The following CTNNA3 variants were observed in gnomAD, a reference collection of about 807,000 sequenced individuals.
CTNNA3 encodes the protein catenin alpha-3.
Under a neutral mutation model 95.7 loss-of-function variants are expected in CTNNA3, and 76 were observed. That is an observed-to-expected ratio of 0.79 (90% confidence interval 0.66 to 0.96). The LOEUF (loss-of-function observed/expected upper bound fraction) is 0.96. CTNNA3 is among the 40% of genes least tolerant of loss of function. The pLI, the probability that CTNNA3 is intolerant of heterozygous loss-of-function variation, is 0.00. For missense variants in CTNNA3, 1,191 were observed against 1,089.8 expected (o/e 1.09, Z -1.31); for synonymous variants, 431 against 374.4 (o/e 1.15, Z -1.74).
At chr10:66,054,903 G>A (rs2080045271) in intron 15 of CTNNA3, among the ~76,000 whole-genome samples, 1 of 152,146 alleles carries the variant, frequency 6.6e-6, no homozygotes, top group Non-Finnish European at 1.5e-5. Context: ...TTTGTATATA[G>A]TGAGAGATAG....
chr10:66,967,199 G>T (rs1481975013), intron 7 of CTNNA3, among the ~76,000 whole-genome samples: 1 of 151,802 alleles, frequency 6.6e-6, no homozygotes, highest in Non-Finnish European at 1.5e-5. Context: ...GCACATACAC[G>T]CATACATTAG....
chr10:66,492,490 G>T (rs529315290), intron 11 of CTNNA3, among the ~76,000 whole-genome samples: 1 of 147,786 alleles, frequency 6.8e-6, no homozygotes, highest in South Asian at 2.1e-4. Flanking sequence ...GTCTTGCTAT[G>T]TTGCCCAGGT....
intron 7 of CTNNA3, among the ~76,000 whole-genome samples, chr10:66,983,262 A>C (rs1028517226): frequency 6.6e-6 from 1 of 152,150 alleles, no homozygotes; most frequent in Non-Finnish European, 1.5e-5. Flanking sequence ...GCCCCCTCCC[A>C]GCCATGTTCC....
chr10:67,446,360 G>C (rs1377437559), intron 5 of CTNNA3, among the ~76,000 whole-genome samples: 1 of 152,088 alleles, frequency 6.6e-6, no homozygotes, highest in Non-Finnish European at 1.5e-5. Flanking sequence ...CAATGCAGCA[G>C]ATAGGGTTTC....
Position 66,749,202 on chromosome 10 carries a change from C to CAAAA in CTNNA3, c.1281+17058_1281+17061dup, listed in dbSNP as rs35568730. ...TGGGCAACACAGGGAAACTCCAACT[C>CAAAA]AAAAAAAAAAAAAAAAAAAAAAAAA... On this transcript the variant is annotated intron_variant, in intron 9 of 17. Transcript: ENST00000433211. Among the ~76,000 whole-genome samples, 215 of 50,854 alleles carry CAAAA rather than the reference C, an allele frequency of 4.2e-3. 4 individuals are homozygous for CAAAA. The highest frequency in any genetic ancestry group is 9.7e-3 in the African/African-American group (119 of 12,258). 33.4% of individuals were successfully genotyped at this position (50,854 alleles called of 152,430 possible).
chr10:66,360,263 C>T (rs995510061), intron 12 of CTNNA3, among the ~76,000 whole-genome samples: 2 of 151,408 alleles, frequency 1.3e-5, no homozygotes, highest in Non-Finnish European at 2.9e-5. Context: ...TATTCAATAT[C>T]TGTACATTGA....
intron 13 of CTNNA3, among the ~76,000 whole-genome samples, chr10:66,171,173 A>C (rs2085407871): frequency 6.6e-6 from 1 of 151,994 alleles, no homozygotes; most frequent in African/African-American, 2.4e-5. Context: ...AAAGAAAATA[A>C]GGAACCATAA....
chr10:67,726,426 T>TTA (rs1285650369), intron 1 of CTNNA3, among the ~76,000 whole-genome samples: 6 of 29,512 alleles, frequency 2.0e-4, no homozygotes, highest in South Asian at 1.8e-3. Flanking sequence ...ATATTATATA[T>TTA]TATATCATAT....
chr10:67,115,379 C>G (rs1859125723), intron 7 of CTNNA3, among the ~76,000 whole-genome samples: 3 of 151,728 alleles, frequency 2.0e-5, no homozygotes, highest in South Asian at 4.2e-4. Context: ...AGGAGATATA[C>G]CTAATGCTAA....
intron 17 of CTNNA3, among the ~76,000 whole-genome samples, chr10:65,923,251 G>T (rs2077117372): frequency 6.6e-6 from 1 of 152,204 alleles, no homozygotes; most frequent in African/African-American, 2.4e-5. Flanking sequence ...TTTCTAAAAA[G>T]ACTTAAGGAT....
At chr10:67,102,204 C>T (rs1365560384) in intron 7 of CTNNA3, among the ~76,000 whole-genome samples, 1 of 151,664 alleles carries the variant, frequency 6.6e-6, no homozygotes, top group South Asian at 2.1e-4. Context: ...AATAGGGAGG[C>T]GCCAAGTACA....
At chr10:67,742,591 G>A (rs61869475) in intron 1 of CTNNA3, among the ~76,000 whole-genome samples, 10 of 150,842 alleles carry the variant, frequency 6.6e-5, no homozygotes, top group African/African-American at 2.2e-4. Context: ...AATTAAAAGA[G>A]CTAGAAAAGC....
At chr10:66,188,369 T>G (rs1219609220) in intron 13 of CTNNA3, among the ~76,000 whole-genome samples, 1 of 152,206 alleles carries the variant, frequency 6.6e-6, no homozygotes, top group Non-Finnish European at 1.5e-5. Context: ...ACCTGCATCT[T>G]CCCATTTCCC....
chr10:67,315,542 T>C (rs113762802), intron 5 of CTNNA3, among the ~76,000 whole-genome samples: 2 of 152,070 alleles, frequency 1.3e-5, no homozygotes, highest in African/African-American at 2.4e-5. Context: ...TTGTAAGTGC[T>C]TAGTAAAAAG....
At chr10:66,435,432 C>T (rs1054982769) in intron 11 of CTNNA3, among the ~76,000 whole-genome samples, 1 of 151,924 alleles carries the variant, frequency 6.6e-6, no homozygotes, top group East Asian at 1.9e-4. Flanking sequence ...AGTTTATTTG[C>T]ATAGAGGTGT....
intron 11 of CTNNA3, among the ~76,000 whole-genome samples, chr10:66,461,521 C>T (rs185885037): frequency 2.6e-3 from 390 of 151,932 alleles, no homozygotes; most frequent in African/African-American, 8.9e-3. Flanking sequence ...CAAGTAGTTT[C>T]GGATCCATCC....
intron 6 of CTNNA3, among the ~76,000 whole-genome samples, chr10:67,213,877 C>T (rs1250681253): frequency 6.6e-6 from 1 of 151,648 alleles, no homozygotes; most frequent in East Asian, 1.9e-4. Context: ...GTGTTACAAC[C>T]TCCTGGTGAA....
chr10:67,133,602 A>G (rs764462677), intron 7 of CTNNA3, among the ~76,000 whole-genome samples: 29 of 151,812 alleles, frequency 1.9e-4, no homozygotes, highest in Non-Finnish European at 3.2e-4. Flanking sequence ...AGAAGGGATT[A>G]ACAGGCTTAA....
intron 7 of CTNNA3, among the ~76,000 whole-genome samples, chr10:67,080,939 A>C (rs112805561): frequency 0.06 from 2,875 of 48,066 alleles, 57 homozygotes; most frequent in African/African-American, 0.23. Context: ...AAAACAACAA[A>C]AAAAAAAAAA....
Sources: gnomAD v4.1 joint callset for allele counts (sites outside exome capture counted in the v4.1 genomes callset) on GRCh38, gnomAD v4.1.1 for gene constraint, MANE v1.5 for transcripts, NCBI Gene and HGNC (gene_info 2026-07-23, HGNC 2026-07-21) for gene names.